Variants in ZMYM2 observed in about 807,000 individuals in gnomAD.
The protein encoded by ZMYM2 is zinc finger MYM-type containing 2.
ZMYM2 carries 56 observed loss-of-function variants against 162.8 expected under a neutral mutation model. The ratio of observed to expected loss-of-function variants is 0.34; its 90% confidence interval spans 0.28 to 0.43. ZMYM2 has a LOEUF of 0.43. ZMYM2 is among the 20% of genes least tolerant of loss of function. The probability of loss-of-function intolerance (pLI) is 1.00; values close to 1 mark genes in which losing one functional copy is unlikely to be tolerated. For synonymous variants in ZMYM2, 510 were observed against 541.6 expected, an observed-to-expected ratio of 0.94 and a Z score of 0.81; for missense variants, 1,275 against 1,621.8, an observed-to-expected ratio of 0.79 and a Z score of 3.67.
the ZMYM2 span, among the ~76,000 whole-genome samples, chr13:19,892,510 T>C: frequency 6.6e-6 from 1 of 151,434 alleles, no homozygotes; most frequent in Non-Finnish European, 1.5e-5. Flanking sequence ...CTCCTGACCT[T>C]GTGATCCGCC....
At chr13:19,988,434 A>G (rs1949349928) in intron 2 of ZMYM2, among the ~76,000 whole-genome samples, 1 of 152,174 alleles carries the variant, frequency 6.6e-6, no homozygotes, top group Admixed American at 6.5e-5. Flanking sequence ...TATTTGGGAC[A>G]ATTGTCTACT....
chr13:19,885,921 A>ATGTGTGTATACACACATATATGTGTG, the ZMYM2 span, among the ~76,000 whole-genome samples: 1 of 45,846 alleles, frequency 2.2e-5, no homozygotes, highest in Non-Finnish European at 5.5e-5. Context: ...ATATACACAT[A>ATGTGTGTATACACACATATATGTGTG]TATATGTGTA....
the ZMYM2 span, among the ~76,000 whole-genome samples, chr13:19,866,704 T>C: frequency 6.6e-6 from 1 of 151,996 alleles, no homozygotes; most frequent in Non-Finnish European, 1.5e-5. Flanking sequence ...TCTTCCAGCC[T>C]AGGTAACATA....
At chr13:20,018,516 T>C (rs1002533824) in intron 6 of ZMYM2, among the ~76,000 whole-genome samples, 5 of 152,218 alleles carry the variant, frequency 3.3e-5, no homozygotes, top group Admixed American at 1.3e-4. Context: ...TTGTCTGTTA[T>C]ATTTAACTTA....
At chr13:19,933,578 G>A in the ZMYM2 span, among the ~76,000 whole-genome samples, 1 of 152,078 alleles carries the variant, frequency 6.6e-6, no homozygotes, top group Non-Finnish European at 1.5e-5. Flanking sequence ...TTATTAATTA[G>A]TATTTTGGGG....
the ZMYM2 span, among the ~76,000 whole-genome samples, chr13:19,952,767 G>A: frequency 6.6e-6 from 1 of 151,434 alleles, no homozygotes; most frequent in Non-Finnish European, 1.5e-5. Context: ...AGAGAAGAAG[G>A]GATTTTCCTT....
intron 2 of ZMYM2, among the ~76,000 whole-genome samples, chr13:19,991,110 T>C (rs914878893): frequency 1.3e-5 from 2 of 150,200 alleles, no homozygotes; most frequent in Non-Finnish European, 3.0e-5. Context: ...TGTGTGTGTG[T>C]GTGTACGTAT....
At chr13:19,886,915 G>A in the ZMYM2 span, among the ~76,000 whole-genome samples, 7 of 151,318 alleles carry the variant, frequency 4.6e-5, no homozygotes, top group African/African-American at 1.2e-4. Context: ...GCCCGCCTTC[G>A]CCTCCCAAAG....
At chr13:19,930,564 G>A in the ZMYM2 span, among the ~76,000 whole-genome samples, 3 of 150,838 alleles carry the variant, frequency 2.0e-5, no homozygotes, top group African/African-American at 7.3e-5. Flanking sequence ...TTGAGATGGA[G>A]TCTCACTCTG....
At chr13:20,028,540 T>C (rs934087772) in intron 9 of ZMYM2, among the ~76,000 whole-genome samples, 5 of 152,184 alleles carry the variant, frequency 3.3e-5, no homozygotes, top group South Asian at 2.1e-4. Context: ...TTTTAAGATA[T>C]ACAGTTACCC....
At chr13:19,987,740 C>G (rs1024880891) in intron 2 of ZMYM2, among the ~76,000 whole-genome samples, 3 of 151,942 alleles carry the variant, frequency 2.0e-5, no homozygotes, top group Admixed American at 6.6e-5. Context: ...CTCAGCCTCT[C>G]AAAGTGCTAG....
At chr13:19,915,332 C>T in the ZMYM2 span, among the ~76,000 whole-genome samples, 1 of 151,772 alleles carries the variant, frequency 6.6e-6, no homozygotes, top group South Asian at 2.1e-4. Context: ...TGGTCTCAAG[C>T]GATCTTTGCA....
chr13:20,025,280 C>A (rs1235065086), intron 7 of ZMYM2: 2 of 200,354 alleles, frequency 1.0e-5, no homozygotes, highest in East Asian at 1.5e-4. Flanking sequence ...AAAATGGATA[C>A]AATTATTTTG....
the ZMYM2 span, among the ~76,000 whole-genome samples, chr13:19,902,453 C>T: frequency 6.6e-6 from 1 of 151,754 alleles, no homozygotes. Context: ...CCCATCTCTA[C>T]TAAAAATACA....
the ZMYM2 span, among the ~76,000 whole-genome samples, chr13:19,906,587 C>T: frequency 6.7e-6 from 1 of 150,290 alleles, no homozygotes; most frequent in Admixed American, 6.7e-5. Context: ...TAAGATCTGT[C>T]TAAGAAATCA....
intron 7 of ZMYM2, among the ~76,000 whole-genome samples, chr13:20,020,785 C>T (rs749266121): frequency 6.6e-6 from 1 of 151,918 alleles, no homozygotes; most frequent in Non-Finnish European, 1.5e-5. Context: ...TTTAAGTTTG[C>T]TGATCTTTTA....
At chr13:19,907,761 CAAAAAAAAAAA>C in the ZMYM2 span, among the ~76,000 whole-genome samples, 1 of 39,102 alleles carries the variant, frequency 2.6e-5, no homozygotes, top group Admixed American at 4.5e-4. Context: ...GACTCTGTCT[CAAAAAAAAAAA>C]AAAAAAAAAA....
the ZMYM2 span, among the ~76,000 whole-genome samples, chr13:19,880,480 G>A: frequency 6.6e-6 from 1 of 151,904 alleles, no homozygotes; most frequent in Non-Finnish European, 1.5e-5. Flanking sequence ...CCAGGCAGAA[G>A]TGCAGTGCCG....
chr13:20,004,691 C>A (rs1160608761), intron 4 of ZMYM2, among the ~76,000 whole-genome samples: 1 of 152,046 alleles, frequency 6.6e-6, no homozygotes, highest in East Asian at 1.9e-4. Context: ...TCCCCATAAC[C>A]CAGATACCTC....
Sources: allele counts gnomAD v4.1 joint callset (sites outside exome capture counted in the v4.1 genomes callset), GRCh38; gene constraint gnomAD v4.1.1; transcripts MANE v1.5; gene names NCBI Gene and HGNC (gene_info 2026-07-23, HGNC 2026-07-21).